The following SORCS3 variants were observed in gnomAD, a reference collection of about 807,000 sequenced individuals.
SORCS3 encodes VPS10 domain-containing receptor SorCS3.
Under a neutral mutation model 146.3 loss-of-function variants are expected in SORCS3, and 57 were observed. The ratio of observed to expected loss-of-function variants is 0.39; its 90% CI spans 0.31 to 0.49. The LOEUF (loss-of-function observed/expected upper bound fraction) is 0.49. Among genes scored for constraint, SORCS3 ranks in the 20% least tolerant of loss-of-function variants. The probability of loss-of-function intolerance (pLI) is 0.92; values close to 1 mark genes in which losing one functional copy is unlikely to be tolerated. For synonymous variants in SORCS3, 653 were observed against 618.5 expected (o/e 1.06, Z -0.83); for missense variants, 1,341 against 1,575.5 (o/e 0.85, Z 2.52).
At chr10:104,945,749 T>G (rs2019364061) in intron 3 of SORCS3, among the ~76,000 whole-genome samples, 1 of 151,714 alleles carries the variant, frequency 6.6e-6, no homozygotes. Context: ...GATACACTTT[T>G]TCACAAAATT....
chr10:104,799,769 G>C (rs150174784), intron 1 of SORCS3, among the ~76,000 whole-genome samples: 1 of 151,720 alleles, frequency 6.6e-6, no homozygotes, highest in Admixed American at 6.6e-5. Flanking sequence ...TCTGCCTCCC[G>C]GGTTCACGCT....
chr10:105,248,961 T>C (rs1034253239), intron 22 of SORCS3, among the ~76,000 whole-genome samples: 1 of 152,196 alleles, frequency 6.6e-6, no homozygotes, highest in Non-Finnish European at 1.5e-5. Context: ...CAGTAACCCA[T>C]TCTGGTGGCA....
At chr10:105,160,436 G>A (rs375625915) in intron 11 of SORCS3, among the ~76,000 whole-genome samples, 1 of 152,160 alleles carries the variant, frequency 6.6e-6, no homozygotes, top group Non-Finnish European at 1.5e-5. Flanking sequence ...AGACCAGCCT[G>A]GACAACATGG....
intron 1 of SORCS3, among the ~76,000 whole-genome samples, chr10:104,790,947 T>A (rs555179969): frequency 6.6e-6 from 1 of 152,350 alleles, no homozygotes; most frequent in African/African-American, 2.4e-5. Context: ...ATAACACTCC[T>A]GCTTTGCATA....
chr10:104,940,238 A>ATTTATATATATATATATATTTT (rs2019304274), intron 3 of SORCS3, among the ~76,000 whole-genome samples: 1 of 31,506 alleles, frequency 3.2e-5, no homozygotes, highest in Non-Finnish European at 6.1e-5. Context: ...ATATATATAT[A>ATTTATATATATATATATATTTT]TTTTTTTTTT....
At chr10:104,735,316 A>G (rs2016754761) in intron 1 of SORCS3, among the ~76,000 whole-genome samples, 1 of 151,772 alleles carries the variant, frequency 6.6e-6, no homozygotes, top group South Asian at 2.1e-4. Context: ...GATTCAGGAA[A>G]CTCCAGGTGG....
chr10:104,969,773 G>A (rs1391920040), intron 3 of SORCS3, among the ~76,000 whole-genome samples: 1 of 152,150 alleles, frequency 6.6e-6, no homozygotes, highest in African/African-American at 2.4e-5. Context: ...CTCTGTATAT[G>A]TTAGTGTATG....
chr10:104,689,659 G>C (rs977014115), intron 1 of SORCS3, among the ~76,000 whole-genome samples: 3 of 152,044 alleles, frequency 2.0e-5, no homozygotes, highest in African/African-American at 7.2e-5. Flanking sequence ...ATTACAACTT[G>C]ACCTTTTTTT....
intron 14 of SORCS3, among the ~76,000 whole-genome samples, chr10:105,193,041 C>A (rs2056525303): frequency 6.6e-6 from 1 of 152,154 alleles, no homozygotes; most frequent in African/African-American, 2.4e-5. Context: ...GAGTAGCTAA[C>A]CCTCTCTGTG....
At chr10:104,742,367 C>T (rs879895133) in intron 1 of SORCS3, among the ~76,000 whole-genome samples, 10 of 152,134 alleles carry the variant, frequency 6.6e-5, no homozygotes, top group South Asian at 2.1e-4. Flanking sequence ...TGGAAGCCAG[C>T]GGGGCAGCAT....
chr10:104,684,962 T>C (rs2864028), intron 1 of SORCS3, among the ~76,000 whole-genome samples: 1 of 151,462 alleles, frequency 6.6e-6, no homozygotes, highest in African/African-American at 2.4e-5. Flanking sequence ...GAACTACAGG[T>C]GACTATCACC....
At chr10:104,750,480 A>G (rs1468571143) in intron 1 of SORCS3, among the ~76,000 whole-genome samples, 1 of 152,218 alleles carries the variant, frequency 6.6e-6, no homozygotes, top group Non-Finnish European at 1.5e-5. Context: ...TGTCCCAAGT[A>G]GCCAACTTTA....
rs147049245 is a variant in SORCS3, at chr10:104,972,341, C to G, written c.796-4994C>G. Among the ~76,000 whole-genome samples, 497 of 152,216 alleles carry G rather than the reference C, an allele frequency of 3.3e-3. 5 individuals are homozygous for G. Among genetic ancestry groups the G allele is most frequent in the African/African-American group, 0.011 (444 of 41,534 alleles). The stretch of plus-strand genomic sequence containing the variant: ...GATTTGAACCTGGTCTCTCTGATGC[C>G]AAAGACTTTTCATTACAATATTTCT... On this transcript the variant is annotated intron_variant, in intron 3 of 26. Coordinates refer to ENST00000369701, the MANE Select transcript of SORCS3 (RefSeq NM_014978.3).
At chr10:105,171,999 C>T (rs2056364187) in intron 13 of SORCS3, among the ~76,000 whole-genome samples, 1 of 152,104 alleles carries the variant, frequency 6.6e-6, no homozygotes, top group Non-Finnish European at 1.5e-5. Flanking sequence ...TGCAAATGCC[C>T]ACCTTACGTA....
At chr10:105,117,523 CCT>C (rs919129056) in intron 7 of SORCS3, among the ~76,000 whole-genome samples, 8 of 152,126 alleles carry the variant, frequency 5.3e-5, no homozygotes, top group African/African-American at 1.9e-4. Context: ...TCTCCTTTCC[CCT>C]GTCTTTAGCT....
At chr10:104,954,795 A>G (rs1035810409) in intron 3 of SORCS3, among the ~76,000 whole-genome samples, 3 of 152,016 alleles carry the variant, frequency 2.0e-5, no homozygotes, top group African/African-American at 4.8e-5. Context: ...TGTTATTATT[A>G]TTTTCCATTA....
intron 1 of SORCS3, among the ~76,000 whole-genome samples, chr10:104,746,671 C>T (rs1031356783): frequency 1.3e-5 from 2 of 152,166 alleles, no homozygotes; most frequent in African/African-American, 2.4e-5. Flanking sequence ...CTCATCCACC[C>T]GCTCCCCCAG....
At chr10:104,932,100 T>C (rs181929490) in intron 3 of SORCS3, among the ~76,000 whole-genome samples, 74 of 152,300 alleles carry the variant, frequency 4.9e-4, no homozygotes, top group African/African-American at 1.7e-3. Flanking sequence ...TGATCCCAAA[T>C]CACAGAACAT....
chr10:104,949,539 T>G (rs770613043), intron 3 of SORCS3, among the ~76,000 whole-genome samples: 4 of 152,240 alleles, frequency 2.6e-5, no homozygotes, highest in Non-Finnish European at 5.9e-5. Context: ...TTTCATGCCC[T>G]CTTTGGAACC....
Sources: allele counts gnomAD v4.1 joint callset (sites outside exome capture counted in the v4.1 genomes callset), GRCh38; gene constraint gnomAD v4.1.1; transcripts MANE v1.5; gene names NCBI Gene and HGNC (gene_info 2026-07-23, HGNC 2026-07-21).